Variants in MAT2B observed in about 807,000 individuals in gnomAD.
The protein encoded by MAT2B is methionine adenosyltransferase 2 non-catalytic beta subunit.
MAT2B carries 16 observed loss-of-function variants against 36.1 expected under a neutral mutation model. The ratio of observed to expected loss-of-function variants is 0.44; its 90% CI spans 0.30 to 0.67. The LOEUF is 0.67. MAT2B is among the 30% of genes least tolerant of loss of function. MAT2B has a pLI of 0.09. For missense variants in MAT2B, 332 were observed against 398.2 expected (o/e 0.83, Z 1.42); for synonymous variants, 148 against 136.9 (o/e 1.08, Z -0.57).
At position 163,518,235 on chromosome 5, in the gene MAT2B, G is replaced by T; in HGVS notation, c.877G>T (p.Ala293Ser). 1 of 1,612,978 alleles carries T rather than the reference G, an allele frequency of 6.2e-7. No individual in the cohort carries two copies. Among genetic ancestry groups the T allele is most frequent in the Non-Finnish European group, 8.5e-7 (1 of 1,179,610 alleles). ...CCTAGGAGCACAACGTCCGAGAAAT[G>T]CTCAGCTTGACTGCTCCAAATTGGA... ...PVLGAQRPRN[A>S]QLDCSKLETL... is the part of the protein sequence containing the mutation. Residue 293 changes from alanine (A) to serine (S), a missense_variant, in exon 7 of 7, where the codon GCT (alanine) becomes TCT (serine). Transcript: ENST00000321757.
intron 4 of MAT2B, among the ~76,000 whole-genome samples, chr5:163,514,541 A>G (rs1760100461): frequency 6.6e-6 from 1 of 152,224 alleles, no homozygotes; most frequent in Non-Finnish European, 1.5e-5. Flanking sequence ...GGAGATAAAC[A>G]CCAAATATGG....
upstream of MAT2B, among the ~76,000 whole-genome samples, chr5:163,504,206 C>T (rs2113545911): frequency 6.6e-6 from 1 of 152,264 alleles, no homozygotes; most frequent in South Asian, 2.1e-4. Flanking sequence ...ATCTTGGCTG[C>T]TCCCCCGGCC....
chr5:163,508,472 A>G (rs1206654804), intron 1 of MAT2B, among the ~76,000 whole-genome samples: 2 of 152,014 alleles, frequency 1.3e-5, no homozygotes, highest in African/African-American at 4.8e-5. Context: ...CCCTGACCTC[A>G]AGTGGTTGGT....
intron 6 of MAT2B, 63 bp from the exon 7 acceptor site, chr5:163,518,130 A>G: frequency 1.6e-6 from 2 of 1,216,942 alleles, no homozygotes; most frequent in African/African-American, 1.5e-5. Context: ...CAGGGGGAAC[A>G]AAGCCCTCAA....
chr5:163,504,227 C>T (rs374467417), upstream of MAT2B, among the ~76,000 whole-genome samples: 28 of 152,144 alleles, frequency 1.8e-4, no homozygotes, highest in South Asian at 5.8e-3. Context: ...CTCTTCCCGC[C>T]CTCTTCTTTG....
chr5:163,518,414 G>T lies in MAT2B; in HGVS notation c.*51G>T. On this transcript the variant is annotated 3_prime_UTR_variant, in exon 7 of 7. Coordinates refer to ENST00000321757, the MANE Select transcript of MAT2B (RefSeq NM_013283.5). ...TTTTTAAATGAAAAGTATAGTATGT[G>T]GCACTTTTTAAAGAACAAAGGAAAT... 2 of 1,471,544 alleles carry T rather than the reference G, an allele frequency of 1.4e-6. No individual in the cohort carries two copies. The highest frequency in any genetic ancestry group is 1.3e-5 in the South Asian group (1 of 77,228). 91.2% of individuals were successfully genotyped at this position (1,471,544 alleles called of 1,614,324 possible).
chr5:163,507,196 A>G (rs1195468406), intron 1 of MAT2B, among the ~76,000 whole-genome samples: 1 of 152,362 alleles, frequency 6.6e-6, no homozygotes, highest in Middle Eastern at 3.4e-3. Context: ...GGAAAACCAC[A>G]TACTAATAGT....
chr5:163,508,302 A>G (rs1351771342), intron 1 of MAT2B, among the ~76,000 whole-genome samples: 1 of 151,934 alleles, frequency 6.6e-6, no homozygotes, highest in East Asian at 1.9e-4. Flanking sequence ...CAGTGGCTCA[A>G]TCTCTGCTCA....
chr5:163,512,736 A>G (rs1192137789), intron 2 of MAT2B: 1 of 451,304 alleles, frequency 2.2e-6, no homozygotes, highest in East Asian at 7.1e-5. Context: ...GCTGGAGTGC[A>G]GTGGTGCAGT....
intron 1 of MAT2B, among the ~76,000 whole-genome samples, chr5:163,509,933 A>G (rs906715308): frequency 6.6e-6 from 1 of 152,230 alleles, no homozygotes; most frequent in Non-Finnish European, 1.5e-5. Flanking sequence ...AAATAATCCT[A>G]AGAATTTACC....
rs1434077125 is a variant in MAT2B at position 163,516,658 on chromosome 5, C to T, written c.667C>T (p.His223Tyr). ...TCACTGGCAGCAGAGGTTCCCCACA[C>T]ATGTCAAAGATGTGGCCACTGTGTG... Reference protein sequence around the residue: ...MDHWQQRFPTHVKDVATVCRQ... With the variant: ...MDHWQQRFPTYVKDVATVCRQ... The change falls in exon 5 of 7, where the codon CAT becomes TAT. Residue 223 changes from histidine to tyrosine, a missense_variant. By Grantham distance (83) the His-to-Tyr change is moderately conservative (BLOSUM62 2). Coordinates refer to ENST00000321757, the MANE Select transcript of MAT2B (RefSeq NM_013283.5). The T allele has an allele frequency of 3.1e-6, 5 of 1,614,170 alleles. No homozygotes were observed. Among genetic ancestry groups the T allele is most frequent in the Non-Finnish European group, 4.2e-6 (5 of 1,180,028 alleles).
In MAT2B at chr5:163,513,557, C is replaced by T. The variant is rs148055585; in HGVS notation, c.261C>T (p.Pro87=). 4 of 1,576,014 alleles carry T rather than the reference C, an allele frequency of 2.5e-6. No homozygotes were observed. Among genetic ancestry groups the T allele is most frequent in the Non-Finnish European group, 3.5e-6 (4 of 1,147,566 alleles). Residue 87 remains proline (P), a splice_region_variant and synonymous_variant, in exon 3 of 7, where the codon CCC becomes CCT. Coordinates refer to ENST00000321757, the MANE Select transcript of MAT2B (RefSeq NM_013283.5). The part of the protein sequence containing the change: ...AVHHIIHDFQ[P]HVIVHCAAER... ...ATACGTCAATGCTTAACTTCTAGCC[C>T]CATGTTATAGTACATTGTGCAGCAG...
chr5:163,511,814 A>G (rs540447235), intron 1 of MAT2B, among the ~76,000 whole-genome samples, 188 bp from the exon 2 acceptor site: 1 of 152,256 alleles, frequency 6.6e-6, no homozygotes, highest in African/African-American at 2.4e-5. Flanking sequence ...CGCATTCCCA[A>G]AGTGTTGGAA....
intron 3 of MAT2B, 37 bp from the exon 4 acceptor site, chr5:163,513,805 T>G: frequency 6.3e-7 from 1 of 1,585,946 alleles, no homozygotes. Context: ...AGTAATGTCA[T>G]GTAAACATTT....
chr5:163,509,437 C>T (rs1345102868), intron 1 of MAT2B, among the ~76,000 whole-genome samples: 1 of 152,152 alleles, frequency 6.6e-6, no homozygotes, highest in East Asian at 1.9e-4. Flanking sequence ...TAAGTGCGGT[C>T]TCCAAATCAC....
Position 163,505,733 on chromosome 5 carries a change from G to C in MAT2B, c.47G>C (p.Ser16Thr), listed in dbSNP as rs1190105175. ...KELSIHFVPGSCRLVEEEVNI... is the reference protein window; with the variant it reads ...KELSIHFVPGTCRLVEEEVNI... ...CTCTCTATACACTTTGTTCCCGGGA[G>C]CTGTCGGCTGGTGGAGGTGAGGGAG... Residue 16 changes from serine (S) to threonine (T), a missense_variant, in exon 1 of 7, where the codon AGC becomes ACC. Coordinates refer to ENST00000321757, the MANE Select transcript of MAT2B (RefSeq NM_013283.5). The C allele has an allele frequency of 7.8e-7, 1 of 1,281,244 alleles. No homozygotes were observed. The highest frequency in any genetic ancestry group is 9.9e-7 in the Non-Finnish European group (1 of 1,006,334). The allele number at this position is 1,281,244 out of a possible 1,614,324, so 79.4% of individuals were successfully genotyped here.
At chr5:163,517,175 CAA>C (rs1233083026) in intron 5 of MAT2B, 4 of 198,120 alleles carry the variant, frequency 2.0e-5, no homozygotes, top group African/African-American at 9.3e-5. Context: ...TATAACATGA[CAA>C]TATTTAAGAA....
chr5:163,503,182 C>CG (rs1431842431), upstream of MAT2B: 1 of 507,560 alleles, frequency 2.0e-6, no homozygotes, highest in Admixed American at 3.7e-5. Flanking sequence ...GAGACTACTA[C>CG]GGGGAATCAG....
chr5:163,515,770 CTTTTTTTTTTTTT>C (rs66978639), intron 4 of MAT2B, among the ~76,000 whole-genome samples: 5 of 69,780 alleles, frequency 7.2e-5, no homozygotes, highest in East Asian at 4.0e-4. Context: ...TTGCCTTTTT[CTTTTTTTTTTTTT>C]TTTTTTTTTT....
Sources: gnomAD v4.1 joint callset for allele counts (sites outside exome capture counted in the v4.1 genomes callset) on GRCh38, gnomAD v4.1.1 for gene constraint, MANE v1.5 for transcripts, NCBI Gene and HGNC (gene_info 2026-07-23, HGNC 2026-07-21) for gene names.